The following CENATAC variants were observed in gnomAD, a reference collection of about 807,000 sequenced individuals.
CENATAC encodes coiled-coil domain containing 84.
Under a neutral mutation model 53.7 loss-of-function variants are expected in CENATAC, and 53 were observed. The ratio of observed to expected loss-of-function variants is 0.99; its 90% CI spans 0.79 to 1.24. CENATAC has a LOEUF of 1.24. Among genes scored for constraint, CENATAC ranks in the 50% most tolerant of loss-of-function variants. CENATAC has a pLI of 0.00. For synonymous variants in CENATAC, 156 were observed against 144.6 expected, an observed-to-expected ratio of 1.08 and a Z score of -0.57; for missense variants, 474 against 417.8, an observed-to-expected ratio of 1.13 and a Z score of -1.17.
intron 3 of CENATAC, chr11:119,003,051 G>A (rs1471650554): frequency 1.7e-5 from 9 of 525,426 alleles, no homozygotes; most frequent in Non-Finnish European, 3.4e-5. Flanking sequence ...CCAAAGCATT[G>A]TAATCAGGAG....
chr11:119,002,224 CA>C (rs782664366), intron 3 of CENATAC, among the ~76,000 whole-genome samples: 6,185 of 49,618 alleles, frequency 0.12, 41 homozygotes, highest in South Asian at 0.29. Context: ...AACTCTGTCT[CA>C]AAAAAAAAAA....
rs1942831758 is a variant in CENATAC, at chr11:119,010,780, G to C, written c.400G>C (p.Val134Leu). 2 of 1,614,114 alleles carry C rather than the reference G, an allele frequency of 1.2e-6. No homozygotes were observed. The highest frequency in any genetic ancestry group is 1.7e-6 in the Non-Finnish European group (2 of 1,179,986). The change falls in exon 4 of 11, where the codon GTG becomes CTG. Residue 134 changes from valine to leucine, a missense_variant. By Grantham distance (32) the Val-to-Leu change is conservative. Coordinates refer to ENST00000334418, the MANE Select transcript of CENATAC (RefSeq NM_198489.3). ...QDYARFKKSM[V>L]KGLDSYEEKE... ...TCTTTTTAGATTCAAGAAATCCATGGTGAAAGGTTTGGATTCCTATGAAGA... is the reference window on the plus strand; with the variant it reads ...TCTTTTTAGATTCAAGAAATCCATGCTGAAAGGTTTGGATTCCTATGAAGA...
chr11:119,004,762 T>TA (rs796412468), intron 3 of CENATAC: 119 of 145,158 alleles, frequency 8.2e-4, no homozygotes, highest in African/African-American at 1.8e-3. Flanking sequence ...AATGTCTCTT[T>TA]AAAAAAAAAA....
At chr11:118,999,310 G>A in intron 3 of CENATAC, 1 of 528,532 alleles carries the variant, frequency 1.9e-6, no homozygotes, top group Non-Finnish European at 3.4e-6. Flanking sequence ...ATAGGATTTA[G>A]CAAATAGAGA....
chr11:119,010,761 T>C lies in CENATAC; in HGVS notation c.384-3T>C, dbSNP rs1942830874. The C allele has an allele frequency of 1.2e-6, 2 of 1,614,068 alleles. No homozygotes were observed. The highest frequency in any genetic ancestry group is 1.7e-6 in the Non-Finnish European group (2 of 1,180,014). The stretch of plus-strand genomic sequence containing the variant: ...TGGGTGGTTTTGCCCCTTTTCTTTT[T>C]AGATTCAAGAAATCCATGGTGAAAG... On this transcript the variant is annotated splice_region_variant and splice_polypyrimidine_tract_variant and intron_variant, in intron 3 of 10. Coordinates refer to ENST00000334418, the MANE Select transcript of CENATAC (RefSeq NM_198489.3).
intron 8 of CENATAC, chr11:119,014,663 T>C (rs1366540863): frequency 1.7e-5 from 3 of 181,772 alleles, no homozygotes; most frequent in Non-Finnish European, 3.4e-5. Flanking sequence ...AGATCACCGA[T>C]TGCCTGGACA....
At position 119,012,244 on chromosome 11, in the gene CENATAC, T is replaced by C. The variant is rs782017698; in HGVS notation, c.674T>C (p.Ile225Thr). 1.2e-5 allele frequency: 19 copies of C among 1,613,958 alleles called. No homozygotes were observed. The highest frequency in any genetic ancestry group is 3.3e-5 in the Admixed American group (2 of 59,988). Residue 225 changes from isoleucine to threonine, a missense_variant, in exon 7 of 11, where the codon ATT (isoleucine) becomes ACT (threonine). Ile to Thr is a moderately conservative substitution (Grantham distance 89). Transcript: ENST00000334418. ...WMETGPSLTF[I>T]GHQDIPGVGN... ...GAGACAGGACCATCTCTGACATTCA[T>C]TGGCCATCAGGTACAAAGGATAAGC...
At chr11:118,998,631 CATACAT>C in intron 2 of CENATAC, 38 bp downstream of exon 2, 1 of 1,546,502 alleles carries the variant, frequency 6.5e-7, no homozygotes, top group East Asian at 2.4e-5. Context: ...AGCACAGACG[CATACAT>C]ATACGGGAGG....
chr11:119,013,429 G>A (rs1230243971), intron 8 of CENATAC, among the ~76,000 whole-genome samples, 167 bp downstream of exon 8: 4 of 150,796 alleles, frequency 2.7e-5, no homozygotes, highest in Non-Finnish European at 4.4e-5. Flanking sequence ...CCAAGTAGCT[G>A]GGGTTACAGG....
chr11:118,998,466 G>C lies in CENATAC; in HGVS notation c.157G>C (p.Val53Leu), dbSNP rs782720687. 5.0e-6 allele frequency: 8 copies of C among 1,613,086 alleles called. No individual in the cohort carries two copies. In the South Asian group the frequency reaches 7.7e-5, roughly 16 times the overall value. ...AARKAIRAAQVERYVPEHERC... is the reference protein window; with the variant it reads ...AARKAIRAAQLERYVPEHERC... ...CCGCAAGGCCATCCGCGCCGCTCAG[G>C]TGGAGCGCTATGTGCCCGAACACGA... Residue 53 changes from valine (V) to leucine (L), a missense_variant, in exon 2 of 11, where the codon GTG becomes CTG. Transcript: ENST00000334418.
chr11:119,011,377 C>A (rs1942860731), intron 5 of CENATAC, 94 bp downstream of exon 5: 1 of 1,210,846 alleles, frequency 8.3e-7, no homozygotes, highest in Non-Finnish European at 1.2e-6. Context: ...GCTTCTTCTT[C>A]TTCTTTTTTT....
chr11:119,006,078 T>G (rs1314832289), intron 3 of CENATAC: 1 of 111,098 alleles, frequency 9.0e-6, no homozygotes, highest in Admixed American at 8.6e-5. Context: ...AGGCAGGATT[T>G]TTTTTTTTTT....
intron 3 of CENATAC, among the ~76,000 whole-genome samples, chr11:119,006,397 T>C (rs113476429): frequency 6.6e-6 from 1 of 151,918 alleles, no homozygotes; most frequent in Non-Finnish European, 1.5e-5. Flanking sequence ...CCACCATGCC[T>C]GGCTAATTTT....
intron 7 of CENATAC, 197 bp downstream of exon 7, chr11:119,012,451 G>T: frequency 1.8e-6 from 1 of 554,442 alleles, no homozygotes; most frequent in Non-Finnish European, 3.1e-6. Flanking sequence ...TTGACACTTA[G>T]GAGTGCCAAC....
At chr11:119,001,270 G>T (rs1942280561) in intron 3 of CENATAC, among the ~76,000 whole-genome samples, 1 of 152,190 alleles carries the variant, frequency 6.6e-6, no homozygotes, top group East Asian at 1.9e-4. Context: ...TGTGACAGTT[G>T]TAGTTTGGAT....
Position 119,015,304 on chromosome 11 carries a change from C to G in CENATAC, c.806-3C>G, listed in dbSNP as rs370672849. 4 of 1,608,614 alleles carry G rather than the reference C, an allele frequency of 2.5e-6. No homozygotes were observed. Among genetic ancestry groups the G allele is most frequent in the African/African-American group, 1.3e-5 (1 of 74,412 alleles). On this transcript the variant is annotated splice_region_variant and splice_polypyrimidine_tract_variant and intron_variant, in intron 9 of 10. Coordinates refer to ENST00000334418, the MANE Select transcript of CENATAC (RefSeq NM_198489.3). ...AAATAAAAGTTTCCCTATCATTGTA[C>G]AGAGGAAAAACAGAAGTTGAAAAAA... is the stretch of plus-strand genomic sequence containing the variant.
chr11:118,998,616 GCTC>G (rs1334052419), intron 2 of CENATAC, 23 bp downstream of exon 2: 1 of 1,552,556 alleles, frequency 6.4e-7, no homozygotes, highest in Non-Finnish European at 8.7e-7. Context: ...CTAGGAGCCT[GCTC>G]CAGCACAGAC....
At position 118,998,425 on chromosome 11, in the gene CENATAC, G is replaced by C. The variant is rs1942120013; in HGVS notation, c.121-5G>C. ...TCGGGGTTCTACTTGGCCTCTCTGC[G>C]GCAGGTGGAGGCGGCCCGCAAGGCC... On this transcript the variant is annotated splice_polypyrimidine_tract_variant and splice_region_variant and intron_variant, in intron 1 of 10. Transcript: ENST00000334418. 6.2e-7 allele frequency: 1 copy of C among 1,612,088 alleles called. No individual in the cohort carries two copies. Among genetic ancestry groups the C allele is most frequent in the Non-Finnish European group, 8.5e-7 (1 of 1,179,710 alleles).
At chr11:119,014,956 CTTAAAAAAAAAAAAA>C in intron 8 of CENATAC, 23 bp from the exon 9 acceptor site, 1 of 893,162 alleles carries the variant, frequency 1.1e-6, no homozygotes, top group Non-Finnish European at 1.6e-6. Context: ...AGCCTGAAGA[CTTAAAAAAAAAAAAA>C]AAAGCCTTAA....
Sources: allele counts gnomAD v4.1 joint callset (sites outside exome capture counted in the v4.1 genomes callset), GRCh38; gene constraint gnomAD v4.1.1; transcripts MANE v1.5; gene names NCBI Gene and HGNC (gene_info 2026-07-23, HGNC 2026-07-21).